Variants in NEB observed in about 807,000 individuals in gnomAD.
NEB encodes nebulin, also known as nemaline myopathy type 2.
Under a neutral mutation model 952.2 loss-of-function variants are expected in NEB, and 512 were observed. That is an observed-to-expected ratio of 0.54 (90% confidence interval 0.50 to 0.58). The LOEUF (loss-of-function observed/expected upper bound fraction) is 0.58, where lower values mean the gene tolerates loss of function less well. NEB is among the 20% of genes least tolerant of loss of function. NEB has a pLI of 0.00. For missense variants in NEB, 8,428 were observed against 9,231.1 expected, an observed-to-expected ratio of 0.91 and a Z score of 3.56; for synonymous variants, 2,900 against 3,149.8, an observed-to-expected ratio of 0.92 and a Z score of 2.66.
At position 151,684,904 on chromosome 2, in the gene NEB, A is replaced by G. The variant is rs1447114412; in HGVS notation, c.2709T>C (p.Thr903=). 1.2e-6 allele frequency: 2 copies of G among 1,613,176 alleles called. No individual in the cohort carries two copies. Among genetic ancestry groups the G allele is most frequent in the African/African-American group, 2.7e-5 (2 of 74,924 alleles). Residue 903 remains threonine, a synonymous_variant, in exon 28 of 182, where the codon ACT becomes ACC. Transcript: ENST00000397345. ...YTAPLDMLQV[T]QAKKSQAIAS... ...CAATTGCCTGAGATTTCTTAGCTTG[A>G]GTGACTTGGAGCATATCAAGAGGTG... is the stretch of plus-strand genomic sequence containing the variant.
chr2:151,627,307 G>A, intron 69 of NEB, 102 bp from the exon 70 acceptor site: 3 of 1,423,606 alleles, frequency 2.1e-6, no homozygotes, highest in Non-Finnish European at 1.9e-6. Context: ...CAAATTTCAT[G>A]TATACGTTCT....
intron 6 of NEB, 22 bp from the exon 7 acceptor site, chr2:151,724,983 A>G (rs991149530): frequency 6.3e-7 from 1 of 1,577,422 alleles, no homozygotes. Flanking sequence ...ATGCACAGTT[A>G]GAGTTCATGA....
At chr2:151,686,952 G>A (rs2099507323) in intron 27 of NEB, among the ~76,000 whole-genome samples, 2 of 151,986 alleles carry the variant, frequency 1.3e-5, no homozygotes, top group Admixed American at 6.6e-5. Flanking sequence ...AGTCTCAGGG[G>A]GGTTTATAAT....
intron 68 of NEB, among the ~76,000 whole-genome samples, chr2:151,628,903 AAAGAAG>A (rs34182658): frequency 1.2e-3 from 187 of 150,802 alleles, no homozygotes; most frequent in Middle Eastern, 3.4e-3. Flanking sequence ...AAACAAAAGA[AAAGAAG>A]AAGAAGAAGA....
At position 151,630,847 on chromosome 2, in the gene NEB, A is replaced by C. The variant is rs746894401; in HGVS notation, c.9619-28T>G. On this transcript the variant is annotated intron_variant, in intron 66 of 181. Transcript: ENST00000397345. ...ATAAAAGAAGATAAGATGCTGATTA[A>C]AAATCATTTGAAATAGAAATGACAA... 2.0e-6 allele frequency: 3 copies of C among 1,522,206 alleles called. No individual in the cohort carries two copies. The African/African-American group carries it at 4.2e-5, about 21-fold the overall frequency. 94.3% of individuals were successfully genotyped at this position (1,522,206 alleles called of 1,614,324 possible). A position where few individuals can be genotyped will look rare whatever the true frequency, so the allele number is the denominator to read the frequency against.
At chr2:151,729,563 T>C in intron 4 of NEB, 52 bp downstream of exon 4, 5 of 1,589,730 alleles carry the variant, frequency 3.1e-6, no homozygotes, top group Non-Finnish European at 4.3e-6. Flanking sequence ...AGGAGAAAGC[T>C]CTTCCTGCTT....
chr2:151,631,903 A>T (rs973515781), intron 65 of NEB, among the ~76,000 whole-genome samples: 3 of 152,192 alleles, frequency 2.0e-5, no homozygotes, highest in Non-Finnish European at 4.4e-5. Context: ...CCTGCGATGT[A>T]TTCTTCTATA....
intron 71 of NEB, among the ~76,000 whole-genome samples, chr2:151,621,402 T>A (rs890752134): frequency 6.6e-6 from 1 of 152,208 alleles, no homozygotes; most frequent in African/African-American, 2.4e-5. Flanking sequence ...CAGTATCATA[T>A]AATAACATAT....
Position 151,688,274 on chromosome 2 carries a change from T to G in NEB, c.2415+18A>C. 6.4e-7 allele frequency: 1 copy of G among 1,551,468 alleles called. No homozygotes were observed. Among genetic ancestry groups the G allele is most frequent in the Non-Finnish European group, 8.9e-7 (1 of 1,123,906 alleles). On this transcript the variant is annotated intron_variant, in intron 25 of 181. Coordinates refer to ENST00000397345, the MANE Select transcript of NEB (RefSeq NM_001164508.2). ...TTCATGTACACCAAACATAGGCTTC[T>G]GTGGCTTTGGTACTTACATCACTCA...
In NEB at chr2:151,691,742, T is replaced by C. The variant is rs902552908; in HGVS notation, c.2211+122A>G. On this transcript the variant is annotated intron_variant, in intron 23 of 181. Transcript: ENST00000397345. Reference sequence around the variant, plus strand: ...CCCCGGTTCCACCCCAAAACCAAAATGTAAAATGTAATTATCTCCTTCTAA... The same window carrying C: ...CCCCGGTTCCACCCCAAAACCAAAACGTAAAATGTAATTATCTCCTTCTAA... 8.6e-6 allele frequency: 7 copies of C among 810,032 alleles called. No individual in the cohort carries two copies. The Admixed American group carries it at 1.1e-4, about 13-fold the overall frequency. The allele number at this position is 810,032 out of a possible 1,614,324, so 50.2% of individuals were successfully genotyped here.
In NEB at chr2:151,507,202, C is replaced by T. The variant is rs563925147; in HGVS notation, c.23452-189G>A. 2.3e-3 allele frequency: 1,232 copies of T among 540,160 alleles called. 5 individuals are homozygous for T. The highest frequency in any genetic ancestry group is 7.5e-3 in the Middle Eastern group (15 of 2,004). 33.5% of individuals were successfully genotyped at this position (540,160 alleles called of 1,614,324 possible). On this transcript the variant is annotated intron_variant, in intron 162 of 181. Transcript: ENST00000397345. ...TTGTGGAGAAACTAATTTTAAAAAA[C>T]ATATAAAGCTAGGGGTTTGTTTTTG...
intron 76 of NEB, among the ~76,000 whole-genome samples, chr2:151,615,409 G>C (rs4664490): frequency 0.3 from 45,607 of 152,082 alleles, 7,565 homozygotes; most frequent in Non-Finnish European, 0.39. Flanking sequence ...GAGGTGTTTC[G>C]CATGTGAAGA....
intron 36 of NEB, 92 bp from the exon 37 acceptor site, chr2:151,672,772 T>C: frequency 8.1e-7 from 1 of 1,231,828 alleles, no homozygotes. Flanking sequence ...CAGAGCTTTG[T>C]GACTTTCTCA....
rs886038453 is a variant in NEB, at chr2:151,664,576, C to T, written c.5376G>A (p.Lys1792=). 4 of 1,608,240 alleles carry T rather than the reference C, an allele frequency of 2.5e-6. No homozygotes were observed. The highest frequency in any genetic ancestry group is 2.7e-5 in the African/African-American group (2 of 74,928). The part of the protein sequence containing the change: ...KLYKAGWEEE[K]KKGYDLRPDA... ...CAGGCCTCAGGTCATATCCTTTCTT[C>T]TTTTCCTCTTCCCAGCCAGCTTTGT... Residue 1792 remains lysine (K), a synonymous_variant, in exon 44 of 182, where the codon AAG becomes AAA. Coordinates refer to ENST00000397345, the MANE Select transcript of NEB (RefSeq NM_001164508.2).
At chr2:151,620,870 G>A in intron 72 of NEB, 49 bp downstream of exon 72, 2 of 1,389,384 alleles carry the variant, frequency 1.4e-6, no homozygotes, top group Non-Finnish European at 1.0e-6. Context: ...GCTGTATTCT[G>A]TGTGGCTGGC....
intron 85 of NEB, among the ~76,000 whole-genome samples, 192 bp from the exon 86 acceptor site, chr2:151,603,964 G>A (rs1326286679): frequency 5.3e-4 from 78 of 146,316 alleles, no homozygotes; most frequent in Non-Finnish European, 8.4e-4. Context: ...AGAGTATCCT[G>A]CAGGAATTGG....
chr2:151,676,357 C>T (rs1256356607), intron 34 of NEB, among the ~76,000 whole-genome samples: 1 of 152,180 alleles, frequency 6.6e-6, no homozygotes, highest in Non-Finnish European at 1.5e-5. Flanking sequence ...ATTAAGCCTT[C>T]CTTGGATTTC....
At chr2:151,579,080 CAAAAAAAAAAAAA>C (rs1159995102) in intron 105 of NEB, among the ~76,000 whole-genome samples, 21 of 31,712 alleles carry the variant, frequency 6.6e-4, no homozygotes, top group Admixed American at 1.3e-3. Context: ...GACTCCATCT[CAAAAAAAAAAAAA>C]AAAAAAAAAA....
At chr2:151,629,274 T>C (rs2098605302) in intron 68 of NEB, among the ~76,000 whole-genome samples, 1 of 152,314 alleles carries the variant, frequency 6.6e-6, no homozygotes, top group Non-Finnish European at 1.5e-5. Context: ...ATTGTAGATA[T>C]GAAAAATTAT....
Sources: allele counts gnomAD v4.1 joint callset (sites outside exome capture counted in the v4.1 genomes callset), GRCh38; gene constraint gnomAD v4.1.1; transcripts MANE v1.5; gene names NCBI Gene and HGNC (gene_info 2026-07-23, HGNC 2026-07-21).